Variants in NEGR1 observed in about 807,000 individuals in gnomAD.
The protein encoded by NEGR1 is IgLON family member 4.
A neutral mutation model predicts 40.9 loss-of-function variants in NEGR1; 10 were observed. That is an observed-to-expected ratio of 0.24 (90% CI 0.15 to 0.42). The LOEUF (loss-of-function observed/expected upper bound fraction) is 0.42. Ranked by LOEUF, NEGR1 falls within the 10% of genes least tolerant of loss-of-function variation. NEGR1 has a pLI of 1.00. For missense variants in NEGR1, 352 were observed against 438.9 expected, an observed-to-expected ratio of 0.80 and a Z score of 1.77; for synonymous variants, 185 against 166.8, an observed-to-expected ratio of 1.11 and a Z score of -0.84.
intron 1 of NEGR1, among the ~76,000 whole-genome samples, chr1:72,068,728 T>C (rs1647342651): frequency 6.6e-6 from 1 of 152,198 alleles, no homozygotes; most frequent in African/African-American, 2.4e-5. Flanking sequence ...ACCAGCTATG[T>C]AAATACTTTA....
chr1:72,159,154 C>T (rs1490533181), intron 1 of NEGR1, among the ~76,000 whole-genome samples: 5 of 152,052 alleles, frequency 3.3e-5, no homozygotes, highest in Non-Finnish European at 7.3e-5. Context: ...TTTGATACTT[C>T]GGTTTTAAAA....
chr1:72,123,060 A>C (rs1455048525), intron 1 of NEGR1, among the ~76,000 whole-genome samples: 4 of 152,064 alleles, frequency 2.6e-5, no homozygotes, highest in African/African-American at 9.6e-5. Context: ...TTCATGCCAG[A>C]AATTTTATTT....
At chr1:72,135,375 C>CAAAA (rs71074819) in intron 1 of NEGR1, among the ~76,000 whole-genome samples, 11 of 71,376 alleles carry the variant, frequency 1.5e-4, no homozygotes, top group South Asian at 7.0e-4. Flanking sequence ...GACTCCGTCT[C>CAAAA]AAAAAAAAAA....
At chr1:71,574,956 T>C (rs1648917620) in intron 6 of NEGR1, among the ~76,000 whole-genome samples, 1 of 152,184 alleles carries the variant, frequency 6.6e-6, no homozygotes, top group Admixed American at 6.5e-5. Flanking sequence ...TAGACATCTT[T>C]AGGAGAACAA....
intron 1 of NEGR1, among the ~76,000 whole-genome samples, chr1:71,957,653 A>G (rs2100288756): frequency 6.6e-6 from 1 of 152,296 alleles, no homozygotes; most frequent in African/African-American, 2.4e-5. Context: ...TAGTAATCAC[A>G]TTAAAATGTC....
intron 6 of NEGR1, among the ~76,000 whole-genome samples, chr1:71,472,811 T>G (rs1646790684): frequency 6.6e-6 from 1 of 152,060 alleles, no homozygotes; most frequent in East Asian, 1.9e-4. Flanking sequence ...AAAAAGAAAT[T>G]ATAAAACATA....
intron 1 of NEGR1, among the ~76,000 whole-genome samples, chr1:72,063,944 G>A (rs17092314): frequency 0.074 from 11,190 of 151,678 alleles, 560 homozygotes; most frequent in East Asian, 0.28. Flanking sequence ...CTTCCATCCC[G>A]TAAAATAATG....
intron 5 of NEGR1, among the ~76,000 whole-genome samples, chr1:71,602,080 T>G (rs530034137): frequency 6.7e-4 from 102 of 152,182 alleles, no homozygotes; most frequent in Non-Finnish European, 1.2e-3. Flanking sequence ...CCAAATGCCT[T>G]GTAACATTTA....
At chr1:72,068,409 T>C (rs891768750) in intron 1 of NEGR1, among the ~76,000 whole-genome samples, 3 of 152,164 alleles carry the variant, frequency 2.0e-5, no homozygotes, top group Non-Finnish European at 4.4e-5. Flanking sequence ...AAACCTGATC[T>C]AGCCCCTAGC....
chr1:71,847,210 G>C (rs896975019), intron 2 of NEGR1, among the ~76,000 whole-genome samples: 1 of 152,142 alleles, frequency 6.6e-6, no homozygotes, highest in Non-Finnish European at 1.5e-5. Context: ...GCTGTGTTGA[G>C]ATGAACTGTT....
chr1:71,559,019 GTATA>G lies in NEGR1; in HGVS notation c.940+33794_940+33797del, dbSNP rs1553150124. On this transcript the variant is annotated intron_variant, in intron 6 of 6. Coordinates refer to ENST00000357731, the MANE Select transcript of NEGR1 (RefSeq NM_173808.3). Reference sequence around the variant, plus strand: ...ATTTATTTATCTTCTCTGTGTGTGTGTATATATATATATATATATATATATACAC... The same window carrying G: ...ATTTATTTATCTTCTCTGTGTGTGTGTATATATATATATATATATATACAC... 6.0e-3 allele frequency among the ~76,000 whole-genome samples: 686 copies of G among 114,080 alleles called. 5 individuals are homozygous for G. The highest frequency in any genetic ancestry group is 0.02 in the African/African-American group (655 of 33,014). The allele number at this position is 114,080 out of a possible 152,430, so 74.8% of individuals were successfully genotyped here. A position where few individuals can be genotyped will look rare whatever the true frequency, so the allele number is the denominator to read the frequency against.
At chr1:71,435,828 A>G (rs1646505669) in intron 6 of NEGR1, among the ~76,000 whole-genome samples, 1 of 152,182 alleles carries the variant, frequency 6.6e-6, no homozygotes. Flanking sequence ...GCCCATAAGG[A>G]ACTACTTTTT....
At chr1:72,161,524 G>A (rs1338505297) in intron 1 of NEGR1, among the ~76,000 whole-genome samples, 1 of 151,970 alleles carries the variant, frequency 6.6e-6, no homozygotes, top group Non-Finnish European at 1.5e-5. Context: ...TACAATGTAC[G>A]GGTAGGATTA....
chr1:71,628,218 A>C (rs1650850803), intron 4 of NEGR1, among the ~76,000 whole-genome samples: 2 of 152,152 alleles, frequency 1.3e-5, no homozygotes, highest in South Asian at 4.1e-4. Flanking sequence ...CCTGCCTTAG[A>C]GAAGCTCAAG....
intron 1 of NEGR1, among the ~76,000 whole-genome samples, chr1:71,998,369 A>T (rs957032581): frequency 5.3e-5 from 8 of 151,968 alleles, no homozygotes; most frequent in African/African-American, 1.7e-4. Flanking sequence ...CAATTCTATT[A>T]TATACTTGTA....
At chr1:71,788,193 A>T (rs1243847144) in intron 2 of NEGR1, among the ~76,000 whole-genome samples, 2 of 152,266 alleles carry the variant, frequency 1.3e-5, no homozygotes, top group African/African-American at 4.8e-5. Context: ...AACAAAGGTT[A>T]TCATGCAGCT....
At chr1:71,462,329 T>G (rs911599375) in intron 6 of NEGR1, among the ~76,000 whole-genome samples, 1 of 152,110 alleles carries the variant, frequency 6.6e-6, no homozygotes, top group African/African-American at 2.4e-5. Context: ...TTTGGGAAAT[T>G]CAACAGACCC....
intron 1 of NEGR1, among the ~76,000 whole-genome samples, chr1:72,149,424 G>A (rs1049097124): frequency 6.6e-6 from 1 of 152,104 alleles, no homozygotes; most frequent in Non-Finnish European, 1.5e-5. Context: ...TTCTGAAATT[G>A]TAAAGCAGAC....
intron 1 of NEGR1, among the ~76,000 whole-genome samples, chr1:72,097,605 T>C (rs1366573801): frequency 6.6e-6 from 1 of 152,098 alleles, no homozygotes; most frequent in Non-Finnish European, 1.5e-5. Context: ...TAAGCAAAAT[T>C]TTAGACTGTT....
Sources: gnomAD v4.1 joint callset for allele counts (sites outside exome capture counted in the v4.1 genomes callset) on GRCh38, gnomAD v4.1.1 for gene constraint, MANE v1.5 for transcripts, NCBI Gene and HGNC (gene_info 2026-07-23, HGNC 2026-07-21) for gene names.